SMCHD1: variants seen among roughly 807,000 people sequenced by gnomAD.
SMCHD1 encodes the protein structural maintenance of chromosomes flexible hinge domain-containing protein 1.
A neutral mutation model predicts 254.7 loss-of-function variants in SMCHD1; 78 were observed. The observed-to-expected ratio is 0.31, with a 90% CI of 0.26 to 0.37. The LOEUF is 0.37. Among genes scored for constraint, SMCHD1 ranks in the 10% least tolerant of loss-of-function variants. The pLI, the probability that SMCHD1 is intolerant of heterozygous loss-of-function variation, is 1.00. For synonymous variants in SMCHD1, 766 were observed against 794.9 expected (o/e 0.96, Z 0.61); for missense variants, 1,840 against 2,408.1 (o/e 0.76, Z 4.94).
chr18:2,677,303 C>T (rs1403723957), intron 5 of SMCHD1, among the ~76,000 whole-genome samples: 1 of 152,124 alleles, frequency 6.6e-6, no homozygotes, highest in African/African-American at 2.4e-5. Flanking sequence ...TTATAAATGT[C>T]AGTATACTTT....
intron 47 of SMCHD1, among the ~76,000 whole-genome samples, chr18:2,798,200 C>G (rs1400409168): frequency 1.3e-5 from 2 of 152,044 alleles, no homozygotes; most frequent in Non-Finnish European, 2.9e-5. Context: ...GACATAGAGG[C>G]AGAGGCCAGA....
At chr18:2,783,540 G>A (rs938650490) in intron 44 of SMCHD1, among the ~76,000 whole-genome samples, 2 of 151,326 alleles carry the variant, frequency 1.3e-5, no homozygotes, top group African/African-American at 4.8e-5. Flanking sequence ...ACTAAATCCA[G>A]TATTTTTCCT....
At chr18:2,745,003 C>G (rs970065904) in intron 29 of SMCHD1, among the ~76,000 whole-genome samples, 42 of 152,114 alleles carry the variant, frequency 2.8e-4, no homozygotes, top group African/African-American at 9.9e-4. Context: ...GCCACCATTC[C>G]TGGCTAATTT....
At position 2,771,532 on chromosome 18, in the gene SMCHD1, G is replaced by C; in HGVS notation, c.4967-1G>C. ...TGCAAATTTTTGGTTTTTTATTTTA[G>C]GTCAAGTTGAAGAAGCAAGATTAAA... On this transcript the variant is annotated splice_acceptor_variant, in intron 39 of 47. Transcript: ENST00000320876. LOFTEE classifies it high-confidence loss of function. 1 of 1,554,096 alleles carries C rather than the reference G, an allele frequency of 6.4e-7. No individual in the cohort carries two copies. The highest frequency in any genetic ancestry group is 8.6e-7 in the Non-Finnish European group (1 of 1,162,628).
chr18:2,728,293 AT>A, intron 22 of SMCHD1, 163 bp from the exon 23 acceptor site: 2 of 643,624 alleles, frequency 3.1e-6, no homozygotes, highest in East Asian at 5.9e-5. Flanking sequence ...GAATCTGTGC[AT>A]TTTGGGATGA....
rs1384932738 is a variant in SMCHD1 at position 2,718,384 on chromosome 18, C to G, written c.2408C>G (p.Thr803Ser). The G allele has an allele frequency of 1.2e-6, 2 of 1,612,592 alleles. No individual in the cohort carries two copies. The highest frequency in any genetic ancestry group is 3.3e-5 in the Admixed American group (2 of 59,982). Reference protein sequence around the residue: ...QVVLNESNADTYAGRPLPSKA... With the variant: ...QVVLNESNADSYAGRPLPSKA... ...GTGTTGAATGAAAGTAATGCAGACA[C>G]TTATGCAGGAAGACCACTACCATCT... Residue 803 changes from threonine to serine, a missense_variant, in exon 19 of 48, where the codon ACT becomes AGT. Around this residue, in one of 9 missense-constraint regions of SMCHD1, gnomAD observed 59 missense variants for 99.2 expected, o/e 0.59. Transcript: ENST00000320876. The surrounding 1 kb of genome is among the most constrained non-coding windows in gnomAD (Gnocchi z 4.6).
intron 42 of SMCHD1, among the ~76,000 whole-genome samples, chr18:2,777,383 A>G (rs1568369081): frequency 6.6e-6 from 1 of 152,176 alleles, no homozygotes; most frequent in Non-Finnish European, 1.5e-5. Flanking sequence ...TTGTGTGGGA[A>G]GGACAGGAAG....
At chr18:2,759,786 T>C (rs1421509949) in intron 34 of SMCHD1, among the ~76,000 whole-genome samples, 1 of 151,968 alleles carries the variant, frequency 6.6e-6, no homozygotes, top group African/African-American at 2.4e-5. Flanking sequence ...GCCAGGCTGG[T>C]CTTGAACTCC....
intron 45 of SMCHD1, among the ~76,000 whole-genome samples, chr18:2,792,438 G>A (rs1257846781): frequency 6.6e-6 from 1 of 152,136 alleles, no homozygotes; most frequent in African/African-American, 2.4e-5. Flanking sequence ...ACTTAATGAC[G>A]AAATAACCTA....
intron 1 of SMCHD1, among the ~76,000 whole-genome samples, chr18:2,660,877 T>C (rs2073230579): frequency 6.6e-6 from 1 of 152,136 alleles, no homozygotes; most frequent in African/African-American, 2.4e-5. Context: ...ATGGATTAAT[T>C]TTAAAGTTTA....
chr18:2,699,836 T>TA (rs1348216653), intron 10 of SMCHD1, among the ~76,000 whole-genome samples: 1 of 152,228 alleles, frequency 6.6e-6, no homozygotes, highest in Non-Finnish European at 1.5e-5. Context: ...TGAGGGCTTT[T>TA]AGGGAGAAGG....
intron 5 of SMCHD1, among the ~76,000 whole-genome samples, chr18:2,684,515 C>T (rs879574943): frequency 6.6e-5 from 10 of 151,946 alleles, no homozygotes; most frequent in South Asian, 4.2e-4. Context: ...GTTTCTTTTA[C>T]GCTATAGATA....
intron 7 of SMCHD1, among the ~76,000 whole-genome samples, chr18:2,691,185 G>A (rs1381584634): frequency 6.6e-6 from 1 of 152,070 alleles, no homozygotes; most frequent in Admixed American, 6.6e-5. Context: ...TATAATGGTG[G>A]AAATATTACT....
Position 2,656,327 on chromosome 18 carries a change from A to G in SMCHD1, c.186+66A>G. ...GGGGCGGGAGGGTGATGAGAAACTC[A>G]ACTTGCTCACTGAGGGCAATAAACC... On this transcript the variant is annotated intron_variant, in intron 1 of 47. Transcript: ENST00000320876. 4.5e-6 allele frequency: 6 copies of G among 1,340,418 alleles called. No individual in the cohort carries two copies. The South Asian group carries it at 1.1e-4, about 25-fold the overall frequency. 83.0% of individuals were successfully genotyped at this position (1,340,418 alleles called of 1,614,324 possible).
intron 1 of SMCHD1, 48 bp downstream of exon 1, chr18:2,656,309 G>C (rs374507794): frequency 7.2e-7 from 1 of 1,396,754 alleles, no homozygotes; most frequent in African/African-American, 1.5e-5. Flanking sequence ...TTGGGGGCGG[G>C]AGGGTGATGA....
At chr18:2,668,676 T>G (rs896497317) in intron 3 of SMCHD1, among the ~76,000 whole-genome samples, 1 of 152,216 alleles carries the variant, frequency 6.6e-6, no homozygotes, top group South Asian at 2.1e-4. Flanking sequence ...TCCAGAGAGT[T>G]GAATGCATTC....
intron 2 of SMCHD1, among the ~76,000 whole-genome samples, chr18:2,666,612 C>G (rs1391505880): frequency 6.6e-6 from 1 of 152,054 alleles, no homozygotes; most frequent in African/African-American, 2.4e-5. Flanking sequence ...GTTGACACTA[C>G]GCTATTTTAG....
chr18:2,746,229 A>C (rs1480205701), intron 29 of SMCHD1, among the ~76,000 whole-genome samples: 1 of 152,240 alleles, frequency 6.6e-6, no homozygotes, highest in African/African-American at 2.4e-5. Context: ...TTAACATGCC[A>C]GTATTAAAAA....
intron 15 of SMCHD1, among the ~76,000 whole-genome samples, chr18:2,707,052 A>C (rs981666337): frequency 2.0e-5 from 3 of 152,172 alleles, no homozygotes; most frequent in Non-Finnish European, 2.9e-5. Context: ...GCATGGGGGA[A>C]ACCATTCCTG....
Sources: gnomAD v4.1 joint callset for allele counts (sites outside exome capture counted in the v4.1 genomes callset) on GRCh38, gnomAD v4.1.1 for gene constraint, gnomAD v4.1.1 regional missense constraint, Gnocchi (gnomAD v3.1) non-coding constraint, MANE v1.5 for transcripts, NCBI Gene and HGNC (gene_info 2026-07-23, HGNC 2026-07-21) for gene names.